The following ZNF516 variants were observed in gnomAD, a reference collection of about 807,000 sequenced individuals.
ZNF516 encodes the protein zinc finger protein 516.
A neutral mutation model predicts 79.7 loss-of-function variants in ZNF516; 19 were observed. The observed-to-expected ratio is 0.24, with a 90% CI of 0.17 to 0.35. ZNF516 has a LOEUF of 0.35. Ranked by LOEUF, ZNF516 falls within the 10% of genes least tolerant of loss-of-function variation. The pLI, the probability that ZNF516 is intolerant of heterozygous loss-of-function variation, is 1.00. For synonymous variants in ZNF516, 877 were observed against 739.5 expected (o/e 1.19, Z -3.02); for missense variants, 1,678 against 1,679.5 (o/e 1.00, Z 0.02).
At chr18:76,454,439 C>T (rs550003079) in intron 2 of ZNF516, among the ~76,000 whole-genome samples, 1 of 152,192 alleles carries the variant, frequency 6.6e-6, no homozygotes, top group Non-Finnish European at 1.5e-5. Context: ...AAGGACAAAT[C>T]TTTCCCAAAT....
At chr18:76,413,154 A>T (rs2145316714) in intron 3 of ZNF516, among the ~76,000 whole-genome samples, 1 of 152,296 alleles carries the variant, frequency 6.6e-6, no homozygotes, top group South Asian at 2.1e-4. Context: ...CCCATTTTTT[A>T]AAAAAGATTT....
At chr18:76,495,943 C>T (rs1437332741), upstream of ZNF516, among the ~76,000 whole-genome samples, 1 of 152,134 alleles carries the variant, frequency 6.6e-6, no homozygotes, top group African/African-American at 2.4e-5. Context: ...CTCTGCCACC[C>T]GGCCATTTAA....
chr18:76,471,665 C>T (rs556988497), intron 1 of ZNF516, among the ~76,000 whole-genome samples: 4 of 152,180 alleles, frequency 2.6e-5, no homozygotes, highest in African/African-American at 9.7e-5. Context: ...GATCCCGTCA[C>T]GCTAGATCCT....
At position 76,379,418 on chromosome 18, in the gene ZNF516, G is replaced by A. The variant is rs61733592; in HGVS notation, c.2696C>T (p.Ala899Val). The A allele has an allele frequency of 2.9e-4, 460 of 1,609,676 alleles. 2 individuals carry two copies. The African/African-American group carries it at 3.2e-3, about 11-fold the overall frequency. The change falls in exon 4 of 7, where the codon GCG becomes GTG. Residue 899 changes from alanine to valine, a missense_variant. By Grantham distance (64) the Ala-to-Val change is moderately conservative. Transcript: ENST00000443185. ...CTTGGCCAGGGGCCCCTGTGTGGCC[G>A]CGCCATGTGGCTCCTGGCCGTGACA... The part of the protein sequence containing the change: ...KPCHGQEPHG[A>V]ATQGPLAKPR...
At position 76,480,596 on chromosome 18, in the gene ZNF516, C is replaced by T. The variant is rs188531552; in HGVS notation, c.-272+14548G>A. ...GGAGTGCAGTGGTGTGATCTCAGCTCACTACAACCTCCATCTCCCGGATTG... is the reference window on the plus strand; with the variant it reads ...GGAGTGCAGTGGTGTGATCTCAGCTTACTACAACCTCCATCTCCCGGATTG... On this transcript the variant is annotated intron_variant, in intron 1 of 6. Coordinates refer to ENST00000443185, the MANE Select transcript of ZNF516 (RefSeq NM_014643.4). Among the ~76,000 whole-genome samples the T allele has an allele frequency of 9.9e-5, 15 of 151,552 alleles. No homozygotes were observed. The East Asian group carries it at 2.1e-3, about 22-fold the overall frequency.
intron 1 of ZNF516, among the ~76,000 whole-genome samples, chr18:76,469,879 C>T (rs1252789411): frequency 6.6e-6 from 1 of 152,014 alleles, no homozygotes; most frequent in Non-Finnish European, 1.5e-5. Flanking sequence ...CAATAAAAAA[C>T]ACAAAACAAA....
chr18:76,447,014 T>C (rs1912091860), intron 2 of ZNF516, among the ~76,000 whole-genome samples: 2 of 152,214 alleles, frequency 1.3e-5, no homozygotes, highest in Admixed American at 6.5e-5. Context: ...ATGTCCACAG[T>C]TGACTAGCAA....
At chr18:76,438,580 G>C (rs2075775418) in intron 3 of ZNF516, among the ~76,000 whole-genome samples, 1 of 152,008 alleles carries the variant, frequency 6.6e-6, no homozygotes, top group Non-Finnish European at 1.5e-5. Context: ...TCAATAACGA[G>C]AGCTGCTGTG....
intron 1 of ZNF516, among the ~76,000 whole-genome samples, chr18:76,466,992 G>A (rs1353976777): frequency 6.6e-6 from 1 of 152,184 alleles, no homozygotes; most frequent in Non-Finnish European, 1.5e-5. Context: ...CAGGCAAAGG[G>A]CCCTGGGAGG....
At chr18:76,458,051 A>G (rs1437707421) in intron 2 of ZNF516, among the ~76,000 whole-genome samples, 1 of 152,196 alleles carries the variant, frequency 6.6e-6, no homozygotes, top group East Asian at 1.9e-4. Flanking sequence ...CAGGCGCACC[A>G]TGGTTTTAAA....
At chr18:76,374,666 T>C (rs545527026) in intron 4 of ZNF516, among the ~76,000 whole-genome samples, 1 of 152,314 alleles carries the variant, frequency 6.6e-6, no homozygotes, top group African/African-American at 2.4e-5. Context: ...CCCACAACTA[T>C]TGCATGTACA....
intron 1 of ZNF516, among the ~76,000 whole-genome samples, chr18:76,464,021 A>G (rs897950953): frequency 1.3e-5 from 2 of 152,082 alleles, no homozygotes; most frequent in African/African-American, 4.8e-5. Context: ...CTCCATCTAC[A>G]GTCTCAGAAG....
intron 3 of ZNF516, among the ~76,000 whole-genome samples, chr18:76,433,584 G>A (rs1465589040): frequency 3.3e-5 from 5 of 152,156 alleles, no homozygotes; most frequent in African/African-American, 1.2e-4. Context: ...CCTTGAGTCT[G>A]GGCATAGCAT....
chr18:76,492,231 G>C, intron 1 of ZNF516: 6 of 985,464 alleles, frequency 6.1e-6, no homozygotes, highest in Non-Finnish European at 7.2e-6. Context: ...ACATTTACAC[G>C]GAGATGCTGC....
At position 76,442,766 on chromosome 18, in the gene ZNF516, C is replaced by G. The variant is rs1206616845; in HGVS notation, c.289G>C (p.Ala97Pro). Reference protein sequence around the residue: ...GTLIQGHEPEAGEAPLGEMRA... With the variant: ...GTLIQGHEPEPGEAPLGEMRA... ...ATCTCACCCAGCGGCGCCTCGCCCG[C>G]CTCCGGCTCGTGTCCCTGAATCAGA... The change falls in exon 3 of 7, where the codon GCG becomes CCG. Residue 97 changes from alanine to proline, a missense_variant. Transcript: ENST00000443185. The G allele has an allele frequency of 6.3e-7, 1 of 1,593,804 alleles. No individual in the cohort carries two copies. Among genetic ancestry groups the G allele is most frequent in the Non-Finnish European group, 8.5e-7 (1 of 1,170,060 alleles).
In ZNF516 at chr18:76,382,702, G is replaced by A. The variant is rs536668237; in HGVS notation, c.1811-2399C>T. The stretch of plus-strand genomic sequence containing the variant: ...GAGGCGGGCAGATCACTTGGGGCCA[G>A]GAGTTCGAGACCAGCCTGGCCAACA... On this transcript the variant is annotated intron_variant, in intron 3 of 6. Coordinates refer to ENST00000443185, the MANE Select transcript of ZNF516 (RefSeq NM_014643.4). 2.0e-5 allele frequency among the ~76,000 whole-genome samples: 3 copies of A among 152,366 alleles called. No homozygotes were observed. The South Asian group carries it at 6.2e-4, about 32-fold the overall frequency.
At chr18:76,375,377 A>T (rs2074770124) in intron 4 of ZNF516, among the ~76,000 whole-genome samples, 1 of 152,034 alleles carries the variant, frequency 6.6e-6, no homozygotes, top group Admixed American at 6.6e-5. Context: ...GACCAGGTAG[A>T]GAGTGGACGT....
chr18:76,428,764 G>A (rs539957084), intron 3 of ZNF516, among the ~76,000 whole-genome samples: 13 of 152,360 alleles, frequency 8.5e-5, no homozygotes, highest in East Asian at 3.9e-4. Flanking sequence ...AGGTGAGGCC[G>A]GTAAGGACAG....
At chr18:76,487,321 G>C (rs950994261) in intron 1 of ZNF516, among the ~76,000 whole-genome samples, 5 of 152,150 alleles carry the variant, frequency 3.3e-5, no homozygotes, top group East Asian at 1.9e-4. Context: ...ACAGACAGTT[G>C]CAACTGCTGG....
Sources: allele counts gnomAD v4.1 joint callset (sites outside exome capture counted in the v4.1 genomes callset), GRCh38; gene constraint gnomAD v4.1.1; transcripts MANE v1.5; gene names NCBI Gene and HGNC (gene_info 2026-07-23, HGNC 2026-07-21).